The following SERPINB9 variants were observed in gnomAD, a reference collection of about 807,000 sequenced individuals.
SERPINB9 encodes the protein serpin family B member 9.
In SERPINB9, 20 loss-of-function variants were observed where a neutral mutation model predicts 27.2. The ratio of observed to expected loss-of-function variants is 0.74; its 90% CI spans 0.52 to 1.07. SERPINB9 has a LOEUF of 1.07. Ranked by LOEUF, SERPINB9 falls within the 50% of genes least tolerant of loss-of-function variation. SERPINB9 has a pLI of 0.00. For missense variants in SERPINB9, 476 were observed against 460.1 expected (o/e 1.03, Z -0.32); for synonymous variants, 189 against 180.0 (o/e 1.05, Z -0.40).
chr6:2,892,227 C>T (rs1319106289), intron 5 of SERPINB9, among the ~76,000 whole-genome samples: 2 of 149,790 alleles, frequency 1.3e-5, no homozygotes, highest in East Asian at 4.0e-4. Context: ...TGATACCCTA[C>T]ATTTTCCAGA....
Position 2,889,699 on chromosome 6 carries a change from A to G in SERPINB9, c.*464T>C, listed in dbSNP as rs75988039. 1.3e-3 allele frequency: 76 copies of G among 59,436 alleles called. No homozygotes were observed. Among genetic ancestry groups the G allele is most frequent in the Non-Finnish European group, 2.1e-3 (63 of 29,432 alleles). The allele number at this position is 59,436 out of a possible 1,614,324, so 3.7% of individuals were successfully genotyped here. ...GACAGAGAGCCAGACTGCGTCTCAG[A>G]AAAAAAAAAAAAAAAAAGATAAAAT... is the stretch of plus-strand genomic sequence containing the variant. On this transcript the variant is annotated 3_prime_UTR_variant, in exon 7 of 7. Coordinates refer to ENST00000380698, the MANE Select transcript of SERPINB9 (RefSeq NM_004155.6).
intron 2 of SERPINB9, among the ~76,000 whole-genome samples, chr6:2,897,539 G>T (rs11755924): frequency 6.6e-6 from 1 of 152,120 alleles, no homozygotes; most frequent in Non-Finnish European, 1.5e-5. Flanking sequence ...CAAAATATGG[G>T]TGATATATAT....
At chr6:2,895,935 T>C in intron 3 of SERPINB9, 118 bp downstream of exon 3, 1 of 1,114,078 alleles carries the variant, frequency 9.0e-7, no homozygotes, top group Admixed American at 3.1e-5. Context: ...AAAAAAATAG[T>C]GCAATTTTTT....
intron 2 of SERPINB9, among the ~76,000 whole-genome samples, chr6:2,896,451 GA>G (rs965147086): frequency 5.7e-5 from 8 of 141,588 alleles, no homozygotes; most frequent in Admixed American, 5.0e-4. Context: ...AATTTATAGT[GA>G]AAAAAAAAGA....
At chr6:2,900,328 C>T in intron 2 of SERPINB9, 116 bp downstream of exon 2, 2 of 1,294,730 alleles carry the variant, frequency 1.5e-6, no homozygotes, top group Non-Finnish European at 1.1e-6. Context: ...GGCCAGTGCA[C>T]ACTCGGGCCC....
chr6:2,895,102 C>A (rs973804540), intron 4 of SERPINB9, among the ~76,000 whole-genome samples: 1 of 152,162 alleles, frequency 6.6e-6, no homozygotes, highest in Non-Finnish European at 1.5e-5. Context: ...GGAGAATAGA[C>A]AAAAGTAAAT....
rs62391511 is a variant in SERPINB9 at position 2,890,602 on chromosome 6, G to T, written c.724-32C>A. ...GACCAGAATTAGACTTTAAGATTCC[G>T]ACTTCAGTGCACATGTACAAGCGCA... On this transcript the variant is annotated intron_variant, in intron 6 of 6. Coordinates refer to ENST00000380698, the MANE Select transcript of SERPINB9 (RefSeq NM_004155.6). The surrounding 1 kb of genome is among the most constrained non-coding windows in gnomAD (Gnocchi z 6.2). 1.3e-6 allele frequency: 2 copies of T among 1,580,964 alleles called. No homozygotes were observed. The highest frequency in any genetic ancestry group is 2.7e-5 in the African/African-American group (2 of 74,180).
chr6:2,891,058 A>G lies in SERPINB9; in HGVS notation c.724-488T>C, dbSNP rs578075182. On this transcript the variant is annotated intron_variant, in intron 6 of 6. Coordinates refer to ENST00000380698, the MANE Select transcript of SERPINB9 (RefSeq NM_004155.6). The surrounding 1 kb of genome is among the most constrained non-coding windows in gnomAD (Gnocchi z 4.0). Reference sequence around the variant, plus strand: ...ATTATCTGCCCCAGAGAGATTCTGCATAGTTTCCGGAGCATAGTTTCAGGA... The same window carrying G: ...ATTATCTGCCCCAGAGAGATTCTGCGTAGTTTCCGGAGCATAGTTTCAGGA... Among the ~76,000 whole-genome samples the G allele has an allele frequency of 1.3e-5, 2 of 152,352 alleles. No homozygotes were observed. The highest frequency in any genetic ancestry group is 3.9e-4 in the East Asian group (2 of 5,190).
At position 2,900,583 on chromosome 6, in the gene SERPINB9, G is replaced by A; in HGVS notation, c.29C>T (p.Thr10Ile). ...TATCTTTAAAAGGCGTATGGCAAAA[G>A]TACCACTTGCATTAGAAAGAGTTTC... is the stretch of plus-strand genomic sequence containing the variant. METLSNASG[T>I]FAIRLLKILC... is the part of the protein sequence containing the mutation. Residue 10 changes from threonine (T) to isoleucine (I), a missense_variant, in exon 2 of 7, where the codon ACT becomes ATT. Transcript: ENST00000380698. 1.2e-6 allele frequency: 2 copies of A among 1,614,146 alleles called. No individual in the cohort carries two copies. The highest frequency in any genetic ancestry group is 8.5e-7 in the Non-Finnish European group (1 of 1,180,034).
In SERPINB9 at chr6:2,893,636, A is replaced by G; in HGVS notation, c.425-83T>C. On this transcript the variant is annotated intron_variant, in intron 4 of 6. Transcript: ENST00000380698. ...GATGATCCTGGATCATTAGTTGAGA[A>G]GCAAACTTCTGTTTTCAACTTTGCT... 3.2e-6 allele frequency: 4 copies of G among 1,252,428 alleles called. No individual in the cohort carries two copies. The South Asian group carries it at 4.4e-5, about 14-fold the overall frequency. The allele number at this position is 1,252,428 out of a possible 1,614,324, so 77.6% of individuals were successfully genotyped here. A position where few individuals can be genotyped will look rare whatever the true frequency, so the allele number is the denominator to read the frequency against.
At position 2,890,439 on chromosome 6, in the gene SERPINB9, C is replaced by T. The variant is rs1275337122; in HGVS notation, c.855G>A (p.Arg285=). ...QEDYDMESVL[R]HLGIVDAFQQ... ...GGAAGGCATCAACAATTCCCAAATG[C>T]CGAAGCACAGATTCCATGTCATAAT... Residue 285 remains arginine, a synonymous_variant, in exon 7 of 7, where the codon CGG becomes CGA. Coordinates refer to ENST00000380698, the MANE Select transcript of SERPINB9 (RefSeq NM_004155.6). This position sits in a 1 kb window ranked among gnomAD's most constrained non-coding sequence, Gnocchi z 6.2. 1 of 1,614,178 alleles carries T rather than the reference C, an allele frequency of 6.2e-7. No homozygotes were observed. The highest frequency in any genetic ancestry group is 8.5e-7 in the Non-Finnish European group (1 of 1,180,026).
chr6:2,901,058 C>A (rs1768185407), intron 1 of SERPINB9, among the ~76,000 whole-genome samples: 1 of 152,220 alleles, frequency 6.6e-6, no homozygotes, highest in South Asian at 2.1e-4. Flanking sequence ...TTCAACTGGG[C>A]ACCAGCCTGT....
chr6:2,898,609 T>A (rs191474086), intron 2 of SERPINB9, among the ~76,000 whole-genome samples: 9 of 152,172 alleles, frequency 5.9e-5, no homozygotes, highest in East Asian at 5.8e-4. Flanking sequence ...CGAGGTCAGG[T>A]GATCGAGACC....
In SERPINB9 at chr6:2,894,188, C is replaced by T. The variant is rs954027907; in HGVS notation, c.425-635G>A. 2.1e-4 allele frequency among the ~76,000 whole-genome samples: 32 copies of T among 152,124 alleles called. No individual in the cohort carries two copies. The highest frequency in any genetic ancestry group is 6.8e-4 in the African/African-American group (28 of 41,402). On this transcript the variant is annotated intron_variant, in intron 4 of 6. Coordinates refer to ENST00000380698, the MANE Select transcript of SERPINB9 (RefSeq NM_004155.6). This position sits in a 1 kb window ranked among gnomAD's most constrained non-coding sequence, Gnocchi z 4.7. ...TAACCCACTGCCTGAAGAGAGCATCCGTGGTAAATACTCCAAGCAGGAATG... is the reference window on the plus strand; with the variant it reads ...TAACCCACTGCCTGAAGAGAGCATCTGTGGTAAATACTCCAAGCAGGAATG...
intron 5 of SERPINB9, 114 bp from the exon 6 acceptor site, chr6:2,892,102 CACTAAAAAAA>C (rs2113601438): frequency 6.8e-6 from 1 of 147,794 alleles, no homozygotes; most frequent in Non-Finnish European, 1.1e-5. Flanking sequence ...CCCCAGTTAA[CACTAAAAAAA>C]AAAAAAAAAA....
At position 2,890,023 on chromosome 6, in the gene SERPINB9, G is replaced by A. The variant is rs904559056; in HGVS notation, c.*140C>T. On this transcript the variant is annotated 3_prime_UTR_variant, in exon 7 of 7. Coordinates refer to ENST00000380698, the MANE Select transcript of SERPINB9 (RefSeq NM_004155.6). This position sits in a 1 kb window ranked among gnomAD's most constrained non-coding sequence, Gnocchi z 6.2. ...GTGTGGAGCATCATGAATTCATGCT[G>A]GCAAATCATGAGGGCAGACAGGTAA... The A allele has an allele frequency of 1.0e-5, 7 of 690,314 alleles. No homozygotes were observed. The highest frequency in any genetic ancestry group is 1.6e-5 in the Non-Finnish European group (7 of 428,898). The allele number at this position is 690,314 out of a possible 1,614,324, so 42.8% of individuals were successfully genotyped here. A position where few individuals can be genotyped will look rare whatever the true frequency, so the allele number is the denominator to read the frequency against.
chr6:2,890,718 A>G lies in SERPINB9; in HGVS notation c.724-148T>C. ...CCCCTTCATCTGCCAGAAGCTTGTGAGCACTCTTACTTGTCCTATGTCCCA... is the reference window on the plus strand; with the variant it reads ...CCCCTTCATCTGCCAGAAGCTTGTGGGCACTCTTACTTGTCCTATGTCCCA... On this transcript the variant is annotated intron_variant, in intron 6 of 6. Coordinates refer to ENST00000380698, the MANE Select transcript of SERPINB9 (RefSeq NM_004155.6). The surrounding 1 kb of genome is among the most constrained non-coding windows in gnomAD (Gnocchi z 6.2). The G allele has an allele frequency of 1.3e-6, 1 of 743,150 alleles. No individual in the cohort carries two copies. Among genetic ancestry groups the G allele is most frequent in the Non-Finnish European group, 2.2e-6 (1 of 459,874 alleles). The allele number at this position is 743,150 out of a possible 1,614,324, so 46.0% of individuals were successfully genotyped here. A position where few individuals can be genotyped will look rare whatever the true frequency, so the allele number is the denominator to read the frequency against.
intron 5 of SERPINB9, among the ~76,000 whole-genome samples, chr6:2,892,452 A>G (rs770926336): frequency 5.3e-5 from 8 of 152,344 alleles, no homozygotes; most frequent in Admixed American, 2.0e-4. Flanking sequence ...ATAAATGGAT[A>G]CACTCTCTCA....
intron 3 of SERPINB9, 28 bp downstream of exon 3, chr6:2,896,025 C>G (rs757269242): frequency 4.4e-6 from 7 of 1,598,112 alleles, no homozygotes; most frequent in Non-Finnish European, 6.0e-6. Context: ...TTGAATGCAA[C>G]TTTTATTGTT....
Sources: allele counts gnomAD v4.1 joint callset (sites outside exome capture counted in the v4.1 genomes callset), GRCh38; gene constraint gnomAD v4.1.1; non-coding constraint Gnocchi (gnomAD v3.1); transcripts MANE v1.5; gene names NCBI Gene and HGNC (gene_info 2026-07-23, HGNC 2026-07-21).